CCR3: variants seen among roughly 807,000 people sequenced by gnomAD.
CCR3 encodes C-C motif chemokine receptor 3.
For synonymous variants in CCR3, 203 were observed against 179.2 expected (o/e 1.13, Z -1.06); for missense variants, 419 against 437.5 (o/e 0.96, Z 0.38).
Position 46,266,362 on chromosome 3 carries a change from A to T in CCR3, c.*136A>T. 1.6e-6 allele frequency: 1 copy of T among 632,020 alleles called. No homozygotes were observed. Among genetic ancestry groups the T allele is most frequent in the South Asian group, 2.0e-5 (1 of 50,202 alleles). 39.2% of individuals were successfully genotyped at this position (632,020 alleles called of 1,614,324 possible). On this transcript the variant is annotated 3_prime_UTR_variant, in exon 2 of 2. Transcript: ENST00000395940. ...GAAGCTCTTGAAGACACTGAAATAT[A>T]CACACAGCAGTAGCAGTAGATGCAT...
chr3:46,249,653 G>A (rs542356036), intron 1 of CCR3, among the ~76,000 whole-genome samples: 1 of 152,316 alleles, frequency 6.6e-6, no homozygotes, highest in African/African-American at 2.4e-5. Flanking sequence ...TGCCAGGTGA[G>A]TTGAACAGTC....
chr3:46,217,805 A>G (rs35587265), intron 2 of CCR3, among the ~76,000 whole-genome samples: 10,409 of 151,994 alleles, frequency 0.068, 583 homozygotes, highest in South Asian at 0.27. Context: ...CCTCTGGGAT[A>G]CAGCAAAAGC....
At chr3:46,264,284 G>A (rs1038649328) in intron 1 of CCR3, 250 of 825,562 alleles carry the variant, frequency 3.0e-4, no homozygotes, top group Non-Finnish European at 4.0e-4. Flanking sequence ...GGCAAGAAAA[G>A]GAAAGTAACC....
intron 1 of CCR3, among the ~76,000 whole-genome samples, chr3:46,244,607 G>T (rs1051073110): frequency 6.6e-6 from 1 of 152,212 alleles, no homozygotes; most frequent in Non-Finnish European, 1.5e-5. Context: ...TTTGAGCCAG[G>T]ATGAGCCAGG....
At chr3:46,218,065 C>A (rs1189514084) in intron 2 of CCR3, among the ~76,000 whole-genome samples, 1 of 151,312 alleles carries the variant, frequency 6.6e-6, no homozygotes, top group Non-Finnish European at 1.5e-5. Flanking sequence ...ATCGATAGAC[C>A]ATTAGCAAGA....
chr3:46,214,472 C>T (rs149430535), intron 2 of CCR3, among the ~76,000 whole-genome samples: 3 of 152,132 alleles, frequency 2.0e-5, no homozygotes, highest in Non-Finnish European at 4.4e-5. Context: ...TATTCCTATC[C>T]GAGTTATTTA....
intron 2 of CCR3, among the ~76,000 whole-genome samples, chr3:46,214,862 G>C (rs1699756037): frequency 6.6e-6 from 1 of 152,172 alleles, no homozygotes; most frequent in African/African-American, 2.4e-5. Flanking sequence ...TTGAGAGCCT[G>C]TGAATGAACC....
intron 1 of CCR3, among the ~76,000 whole-genome samples, chr3:46,253,690 G>A (rs1289919537): frequency 6.6e-6 from 1 of 152,096 alleles, no homozygotes; most frequent in African/African-American, 2.4e-5. Context: ...AGGGAAACTA[G>A]AATTACCGGA....
intron 2 of CCR3, among the ~76,000 whole-genome samples, chr3:46,236,628 C>G (rs1396557857): frequency 6.6e-6 from 1 of 152,232 alleles, no homozygotes; most frequent in Non-Finnish European, 1.5e-5. Flanking sequence ...TCCACTGGTT[C>G]TGCTGGCCCT....
intron 2 of CCR3, among the ~76,000 whole-genome samples, chr3:46,221,232 T>TA (rs34444973): frequency 0.16 from 25,002 of 152,158 alleles, 2,965 homozygotes; most frequent in African/African-American, 0.33. Flanking sequence ...AGCTGGTTGT[T>TA]AACATTTACC....
intron 2 of CCR3, among the ~76,000 whole-genome samples, chr3:46,211,397 A>ATT (rs35633524): frequency 8.0e-5 from 10 of 125,434 alleles, no homozygotes; most frequent in Admixed American, 3.7e-4. Flanking sequence ...ATATATATAT[A>ATT]TTTTTTGTAG....
chr3:46,234,999 T>C (rs73833032), intron 2 of CCR3, among the ~76,000 whole-genome samples: 24,411 of 152,196 alleles, frequency 0.16, 2,317 homozygotes, highest in African/African-American at 0.25. Flanking sequence ...TCAAAGGGTC[T>C]ACATCTGGCT....
intron 2 of CCR3, among the ~76,000 whole-genome samples, chr3:46,212,717 A>C (rs1439396979): frequency 6.6e-6 from 1 of 151,818 alleles, no homozygotes; most frequent in Non-Finnish European, 1.5e-5. Flanking sequence ...CTCTCTCCCT[A>C]CTCTCTGTCC....
At chr3:46,224,595 G>A (rs1699872375) in intron 2 of CCR3, among the ~76,000 whole-genome samples, 1 of 151,996 alleles carries the variant, frequency 6.6e-6, no homozygotes, top group Non-Finnish European at 1.5e-5. Flanking sequence ...AAATTAGCCA[G>A]GCATCGTGGC....
chr3:46,224,435 T>C (rs1699870901), intron 2 of CCR3, among the ~76,000 whole-genome samples: 1 of 150,616 alleles, frequency 6.6e-6, no homozygotes, highest in Non-Finnish European at 1.5e-5. Context: ...AAACCCCATC[T>C]CTAATAAAAA....
chr3:46,259,696 C>A (rs1464833863), intron 1 of CCR3, among the ~76,000 whole-genome samples: 1 of 152,008 alleles, frequency 6.6e-6, no homozygotes, highest in Non-Finnish European at 1.5e-5. Context: ...AGGCTCTCTG[C>A]AAAATTCCAA....
intron 1 of CCR3, among the ~76,000 whole-genome samples, chr3:46,260,765 GA>G (rs1700511426): frequency 6.6e-6 from 1 of 152,172 alleles, no homozygotes; most frequent in African/African-American, 2.4e-5. Flanking sequence ...ATTTTGATGA[GA>G]AATAAAATCT....
intron 2 of CCR3, among the ~76,000 whole-genome samples, chr3:46,214,001 C>T (rs567087541): frequency 6.6e-6 from 1 of 152,220 alleles, no homozygotes; most frequent in East Asian, 1.9e-4. Context: ...CCAGCTCCCC[C>T]ACTTGCATCT....
intron 2 of CCR3, among the ~76,000 whole-genome samples, chr3:46,232,214 C>T (rs924025158): frequency 6.6e-6 from 1 of 152,170 alleles, no homozygotes; most frequent in Non-Finnish European, 1.5e-5. Context: ...AGCAACAACA[C>T]AATCCCTCAC....
Sources: allele counts gnomAD v4.1 joint callset (sites outside exome capture counted in the v4.1 genomes callset), GRCh38; gene constraint gnomAD v4.1.1; transcripts MANE v1.5; gene names NCBI Gene and HGNC (gene_info 2026-07-23, HGNC 2026-07-21).